The following ETV6 variants were observed in gnomAD, a reference collection of about 807,000 sequenced individuals.
ETV6 encodes the protein transcription factor ETV6.
In ETV6, 16 loss-of-function variants were observed where a neutral mutation model predicts 51.1. That is an observed-to-expected ratio of 0.31 (90% confidence interval 0.21 to 0.48). ETV6 has a LOEUF of 0.48. Ranked by LOEUF, ETV6 falls within the 20% of genes least tolerant of loss-of-function variation. ETV6 has a pLI of 0.99. For missense variants in ETV6, 458 were observed against 594.8 expected (o/e 0.77, Z 2.39); for synonymous variants, 240 against 224.1 (o/e 1.07, Z -0.64).
At chr12:11,880,223 A>G (rs890665315) in intron 5 of ETV6, among the ~76,000 whole-genome samples, 4 of 152,174 alleles carry the variant, frequency 2.6e-5, no homozygotes, top group South Asian at 2.1e-4. Flanking sequence ...GACTAATTCA[A>G]TATGTCCTGA....
chr12:11,664,247 C>G (rs1864155385), intron 1 of ETV6, among the ~76,000 whole-genome samples: 1 of 152,186 alleles, frequency 6.6e-6, no homozygotes, highest in Non-Finnish European at 1.5e-5. Flanking sequence ...TTAGCAGCTG[C>G]TGTATTGAAA....
intron 1 of ETV6, among the ~76,000 whole-genome samples, chr12:11,691,648 C>T (rs893782039): frequency 4.6e-5 from 7 of 152,202 alleles, no homozygotes; most frequent in Non-Finnish European, 8.8e-5. Context: ...TGCCAGCATT[C>T]ATGTGTATTG....
chr12:11,886,874 C>T (rs1415597793), intron 7 of ETV6, among the ~76,000 whole-genome samples: 1 of 152,166 alleles, frequency 6.6e-6, no homozygotes, highest in Non-Finnish European at 1.5e-5. Flanking sequence ...GTGAGATCAA[C>T]AAACACAACC....
At chr12:11,729,754 T>C (rs1207612759) in intron 1 of ETV6, among the ~76,000 whole-genome samples, 2 of 152,204 alleles carry the variant, frequency 1.3e-5, no homozygotes, top group African/African-American at 4.8e-5. Flanking sequence ...TTATTGATTG[T>C]TCTCTCAACA....
In ETV6 at chr12:11,879,147, G is replaced by A. The variant is rs1237411172; in HGVS notation, c.1010-5298G>A. Among the ~76,000 whole-genome samples the A allele has an allele frequency of 1.3e-5, 2 of 151,864 alleles. 1 individual carries two copies. The highest frequency in any genetic ancestry group is 4.8e-5 in the African/African-American group (2 of 41,316). Reference sequence around the variant, plus strand: ...TTTTGTTGCTGAACTGGAAATAAACGTTAATTTTTAGGTAATAAATTTCAA... The same window carrying A: ...TTTTGTTGCTGAACTGGAAATAAACATTAATTTTTAGGTAATAAATTTCAA... On this transcript the variant is annotated intron_variant, in intron 5 of 7. Transcript: ENST00000396373.
chr12:11,746,182 G>A lies in ETV6; in HGVS notation c.34-6268G>A, dbSNP rs192400944. On this transcript the variant is annotated intron_variant, in intron 1 of 7. Transcript: ENST00000396373. ...GAGGATGCAGAGCAACGAAATATTC[G>A]AAGGCTGCTATGATTTTTACAAGCT... is the stretch of plus-strand genomic sequence containing the variant. Among the ~76,000 whole-genome samples the A allele has an allele frequency of 3.2e-4, 49 of 152,292 alleles. No individual in the cohort carries two copies. The East Asian group carries it at 8.7e-3, about 27-fold the overall frequency.
chr12:11,738,252 C>T (rs1240851960), intron 1 of ETV6, among the ~76,000 whole-genome samples: 3 of 148,632 alleles, frequency 2.0e-5, no homozygotes, highest in African/African-American at 7.5e-5. Flanking sequence ...CTCCTTCCCT[C>T]CTTCCTTCCT....
At chr12:11,743,268 A>G (rs1193608703) in intron 1 of ETV6, among the ~76,000 whole-genome samples, 1 of 152,150 alleles carries the variant, frequency 6.6e-6, no homozygotes, top group Non-Finnish European at 1.5e-5. Context: ...GGTAGTAAAC[A>G]TTTTCCAGAG....
In ETV6 at chr12:11,868,832, G is replaced by A. The variant is rs371195362; in HGVS notation, c.464-592G>A. Among the ~76,000 whole-genome samples, 17 of 152,302 alleles carry A rather than the reference G, an allele frequency of 1.1e-4. No individual in the cohort carries two copies. In the East Asian group the frequency reaches 3.1e-3, roughly 28 times the overall value. ...TAGAAGAGTTAAATGATGGCCAAAAGATGGGGCATGGAAGTTTGGCTTCCT... is the reference window on the plus strand; with the variant it reads ...TAGAAGAGTTAAATGATGGCCAAAAAATGGGGCATGGAAGTTTGGCTTCCT... On this transcript the variant is annotated intron_variant, in intron 4 of 7. Coordinates refer to ENST00000396373, the MANE Select transcript of ETV6 (RefSeq NM_001987.5).
intron 1 of ETV6, chr12:11,751,522 T>G (rs1243187365): frequency 2.0e-6 from 1 of 506,546 alleles, no homozygotes. Context: ...ACTGCTGTTT[T>G]GCCGAACCCA....
intron 1 of ETV6, among the ~76,000 whole-genome samples, chr12:11,717,671 T>C (rs967222416): frequency 5.3e-5 from 8 of 152,230 alleles, no homozygotes; most frequent in African/African-American, 1.9e-4. Flanking sequence ...CTTTGTCATC[T>C]GACTCATTTT....
intron 3 of ETV6, among the ~76,000 whole-genome samples, chr12:11,841,625 A>G (rs917173387): frequency 1.3e-5 from 2 of 152,224 alleles, no homozygotes; most frequent in Non-Finnish European, 2.9e-5. Context: ...AGTATTCACC[A>G]AGCAACTCTA....
chr12:11,777,156 C>T lies in ETV6; in HGVS notation c.163+24577C>T, dbSNP rs1170136951. On this transcript the variant is annotated intron_variant, in intron 2 of 7. Transcript: ENST00000396373. ...TCGGGAGGCTGAGGCAGGAGAATGG[C>T]GTGAACCTGGGAGGCGGAGCTTGCA... is the stretch of plus-strand genomic sequence containing the variant. Among the ~76,000 whole-genome samples, 10 of 141,470 alleles carry T rather than the reference C, an allele frequency of 7.1e-5. No individual in the cohort carries two copies. The Admixed American group carries it at 7.1e-4, about 10-fold the overall frequency. The allele number at this position is 141,470 out of a possible 152,430, so 92.8% of individuals were successfully genotyped here. A position where few individuals can be genotyped will look rare whatever the true frequency, so the allele number is the denominator to read the frequency against.
chr12:11,871,005 T>C (rs1946872971), intron 5 of ETV6, among the ~76,000 whole-genome samples: 1 of 151,898 alleles, frequency 6.6e-6, no homozygotes, highest in African/African-American at 2.4e-5. Flanking sequence ...TGACTGTGCT[T>C]TCGATAGTGG....
chr12:11,672,269 C>G (rs915771089), intron 1 of ETV6, among the ~76,000 whole-genome samples: 1 of 152,092 alleles, frequency 6.6e-6, no homozygotes, highest in African/African-American at 2.4e-5. Context: ...TCCTATTAAA[C>G]AGAAAATGCC....
chr12:11,875,933 CATTT>C (rs1445210426), intron 5 of ETV6, among the ~76,000 whole-genome samples: 1 of 152,186 alleles, frequency 6.6e-6, no homozygotes, highest in Non-Finnish European at 1.5e-5. Context: ...ACACCTAAAA[CATTT>C]ATTAGTTGGC....
intron 1 of ETV6, among the ~76,000 whole-genome samples, chr12:11,650,496 CA>C (rs1252618617): frequency 7.2e-5 from 8 of 111,454 alleles, no homozygotes; most frequent in Admixed American, 6.2e-4. Flanking sequence ...AAAAAAAAAA[CA>C]AAAAACAAAA....
At chr12:11,883,397 G>A (rs565454824) in intron 5 of ETV6, among the ~76,000 whole-genome samples, 4 of 147,426 alleles carry the variant, frequency 2.7e-5, no homozygotes, top group South Asian at 4.3e-4. Flanking sequence ...GGGTTCAGGC[G>A]ATTCTCCTGC....
chr12:11,747,054 T>G (rs1253088222), intron 1 of ETV6, among the ~76,000 whole-genome samples: 2 of 152,148 alleles, frequency 1.3e-5, no homozygotes, highest in African/African-American at 4.8e-5. Flanking sequence ...GCGGGCTCCT[T>G]GGAAGATCCC....
Sources: allele counts gnomAD v4.1 joint callset (sites outside exome capture counted in the v4.1 genomes callset), GRCh38; gene constraint gnomAD v4.1.1; transcripts MANE v1.5; gene names NCBI Gene and HGNC (gene_info 2026-07-23, HGNC 2026-07-21).